The following UTP20 variants were observed in gnomAD, a reference collection of about 807,000 sequenced individuals.
The protein encoded by UTP20 is small subunit processome component 20 homolog.
Under a neutral mutation model 329.5 loss-of-function variants are expected in UTP20, and 164 were observed. The ratio of observed to expected loss-of-function variants is 0.50; its 90% confidence interval spans 0.44 to 0.57. The LOEUF (loss-of-function observed/expected upper bound fraction) is 0.57, where lower values mean the gene tolerates loss of function less well. UTP20 is among the 20% of genes least tolerant of loss of function. The pLI, the probability that UTP20 is intolerant of heterozygous loss-of-function variation, is 0.00. For missense variants in UTP20, 3,055 were observed against 3,284.2 expected, an observed-to-expected ratio of 0.93 and a Z score of 1.71; for synonymous variants, 1,151 against 1,159.3, an observed-to-expected ratio of 0.99 and a Z score of 0.14.
intron 24 of UTP20, 129 bp from the exon 25 acceptor site, chr12:101,321,375 A>G (rs1222375917): frequency 3.8e-6 from 5 of 1,313,656 alleles, no homozygotes; most frequent in Non-Finnish European, 5.1e-6. Flanking sequence ...ATTTTCCTTT[A>G]TGGATATCAA....
In UTP20 at chr12:101,338,847, T is replaced by C. The variant is rs775901683; in HGVS notation, c.3903T>C (p.Pro1301=). The C allele has an allele frequency of 6.2e-7, 1 of 1,611,196 alleles. No individual in the cohort carries two copies. The highest frequency in any genetic ancestry group is 8.5e-7 in the Non-Finnish European group (1 of 1,179,278). Residue 1301 remains proline, a synonymous_variant, in exon 31 of 62, where the codon CCT becomes CCC. Transcript: ENST00000261637. ...CAATAGGAGGAAGATTAATTCTACC[T>C]CATGTACCTGCAATTCTTCAGTATC... ...SITIGGRLIL[P]HVPAILQYLS...
At chr12:101,348,268 A>G (rs1236302447) in intron 38 of UTP20, among the ~76,000 whole-genome samples, 1 of 152,182 alleles carries the variant, frequency 6.6e-6, no homozygotes, top group Non-Finnish European at 1.5e-5. Flanking sequence ...GACCATTCAC[A>G]TTTAATATGA....
chr12:101,294,193 G>A (rs571872366), intron 11 of UTP20, among the ~76,000 whole-genome samples: 84 of 152,028 alleles, frequency 5.5e-4, no homozygotes, highest in African/African-American at 1.9e-3. Context: ...CCACCACCAC[G>A]CCTGGCTGAT....
intron 43 of UTP20, among the ~76,000 whole-genome samples, chr12:101,358,387 G>A (rs1374088695): frequency 1.3e-5 from 2 of 152,072 alleles, no homozygotes; most frequent in Non-Finnish European, 2.9e-5. Context: ...TATAATTTTT[G>A]CTTATAATTG....
At chr12:101,378,554 A>G (rs1352396796) in intron 56 of UTP20, among the ~76,000 whole-genome samples, 1 of 152,048 alleles carries the variant, frequency 6.6e-6, no homozygotes, top group Non-Finnish European at 1.5e-5. Context: ...CCCTGTCTCT[A>G]CTAAAAATAC....
chr12:101,382,711 G>C (rs543129245), intron 58 of UTP20, among the ~76,000 whole-genome samples: 4 of 152,112 alleles, frequency 2.6e-5, no homozygotes, highest in Middle Eastern at 6.8e-3. Flanking sequence ...AAATTAGCCA[G>C]GCATGGTGGT....
Position 101,311,955 on chromosome 12 carries a change from A to C in UTP20, c.2312-81A>C, listed in dbSNP as rs575328987. ...ACATTCTTTCCTTACATTATAGAGA[A>C]AGAAATGCCCTCTCTTGAGAAAACA... On this transcript the variant is annotated intron_variant, in intron 20 of 61. Coordinates refer to ENST00000261637, the MANE Select transcript of UTP20 (RefSeq NM_014503.3). 5.7e-6 allele frequency: 9 copies of C among 1,589,318 alleles called. No homozygotes were observed. The East Asian group carries it at 2.0e-4, about 36-fold the overall frequency.
chr12:101,375,633 G>A lies in UTP20; in HGVS notation c.7273G>A (p.Glu2425Lys). The change falls in exon 56 of 62, where the codon GAA (glutamate) becomes AAA (lysine). Residue 2425 changes from glutamate (E) to lysine (K), a missense_variant. Transcript: ENST00000261637. ...DPENFKDIME[E>K]TEEKAADRLL... ...TCCGTCTTGTTTTTAGATCATGGAA[G>A]AAACTGAAGAAAAAGCTGCAGATCG... 1 of 1,609,768 alleles carries A rather than the reference G, an allele frequency of 6.2e-7. No individual in the cohort carries two copies. The highest frequency in any genetic ancestry group is 8.5e-7 in the Non-Finnish European group (1 of 1,178,896).
intron 14 of UTP20, 77 bp from the exon 15 acceptor site, chr12:101,302,371 T>C (rs1872542383): frequency 2.4e-6 from 2 of 828,150 alleles, no homozygotes; most frequent in Admixed American, 5.9e-5. Flanking sequence ...TAGCAAGTAT[T>C]CAATAAATAA....
chr12:101,302,850 C>A lies in UTP20; in HGVS notation c.1781+297C>A, dbSNP rs547592641. Among the ~76,000 whole-genome samples the A allele has an allele frequency of 2.0e-5, 3 of 152,304 alleles. No homozygotes were observed. The South Asian group carries it at 6.2e-4, about 32-fold the overall frequency. ...CAACTGTAACGTGGCATGATGTTGACCTTTTATAACTTCTTTAGTGGTTCC... is the reference window on the plus strand; with the variant it reads ...CAACTGTAACGTGGCATGATGTTGAACTTTTATAACTTCTTTAGTGGTTCC... On this transcript the variant is annotated intron_variant, in intron 15 of 61. Coordinates refer to ENST00000261637, the MANE Select transcript of UTP20 (RefSeq NM_014503.3).
At chr12:101,351,915 G>T in intron 38 of UTP20, 140 bp from the exon 39 acceptor site, 3 of 974,326 alleles carry the variant, frequency 3.1e-6, no homozygotes, top group East Asian at 2.6e-5. Context: ...GGGGTTAGAG[G>T]GAAAAAATTA....
Position 101,352,162 on chromosome 12 carries a change from A to G in UTP20, c.4992A>G (p.Gln1664=). The G allele has an allele frequency of 1.2e-6, 2 of 1,613,262 alleles. No individual in the cohort carries two copies. The highest frequency in any genetic ancestry group is 8.5e-7 in the Non-Finnish European group (1 of 1,179,882). The change falls in exon 39 of 62, where the codon CAA becomes CAG. Residue 1664 remains glutamine (Q), a synonymous_variant. Transcript: ENST00000261637. ...TGAAACATTTCATTCATGTCTTACA[A>G]ACGGGACAGATCAATCAAAAACTGG... is the stretch of plus-strand genomic sequence containing the variant. ...YYLKHFIHVL[Q]TGQINQKLGV...
Position 101,308,249 on chromosome 12 carries a change from C to T in UTP20, c.2060C>T (p.Ala687Val). ...AILRQAELVP[A>V]TVNDYREKLL... ...TTACGCCAGGCAGAACTTGTTCCAG[C>T]AACTGTGAATGATTATAGAGAGAAG... Residue 687 changes from alanine (A) to valine (V), a missense_variant, in exon 18 of 62, where the codon GCA becomes GTA. By Grantham distance (64) the Ala-to-Val change is moderately conservative. Coordinates refer to ENST00000261637, the MANE Select transcript of UTP20 (RefSeq NM_014503.3). The T allele has an allele frequency of 6.2e-7, 1 of 1,613,024 alleles. No individual in the cohort carries two copies. The highest frequency in any genetic ancestry group is 8.5e-7 in the Non-Finnish European group (1 of 1,179,504).
At chr12:101,325,697 T>C (rs1329840594) in intron 25 of UTP20, among the ~76,000 whole-genome samples, 3 of 152,214 alleles carry the variant, frequency 2.0e-5, no homozygotes, top group Admixed American at 6.5e-5. Context: ...TAGCTACTTT[T>C]CTTATTTGTA....
At chr12:101,328,354 A>G (rs1168343812) in intron 26 of UTP20, among the ~76,000 whole-genome samples, 1 of 152,240 alleles carries the variant, frequency 6.6e-6, no homozygotes, top group Non-Finnish European at 1.5e-5. Context: ...AATAAAGGTC[A>G]AGCAATAACA....
intron 54 of UTP20, among the ~76,000 whole-genome samples, chr12:101,374,430 A>G (rs1870406219): frequency 6.6e-6 from 1 of 152,162 alleles, no homozygotes; most frequent in African/African-American, 2.4e-5. Context: ...CTCTGCCACC[A>G]TCATTGTTGG....
At chr12:101,363,869 C>A (rs1870012624) in intron 45 of UTP20, 126 bp downstream of exon 45, 1 of 635,658 alleles carries the variant, frequency 1.6e-6, no homozygotes, top group African/African-American at 1.8e-5. Context: ...TGATAGGGCC[C>A]CAGGACCATA....
chr12:101,315,243 T>TG (rs1164869057), intron 21 of UTP20, among the ~76,000 whole-genome samples: 3 of 152,084 alleles, frequency 2.0e-5, no homozygotes, highest in Non-Finnish European at 4.4e-5. Flanking sequence ...CCCAGCACTT[T>TG]GGGGGGCCGA....
chr12:101,321,691 A>G (rs1868377203), intron 25 of UTP20, 62 bp downstream of exon 25: 1 of 1,551,550 alleles, frequency 6.4e-7, no homozygotes, highest in African/African-American at 1.4e-5. Context: ...TTGTGAGTAC[A>G]GTATTATGGT....
Sources: gnomAD v4.1 joint callset for allele counts (sites outside exome capture counted in the v4.1 genomes callset) on GRCh38, gnomAD v4.1.1 for gene constraint, MANE v1.5 for transcripts, NCBI Gene and HGNC (gene_info 2026-07-23, HGNC 2026-07-21) for gene names.